Variants in ITPR1 observed in about 807,000 individuals in gnomAD.
ITPR1 encodes inositol 1,4,5-trisphosphate receptor type 1.
In ITPR1, 96 loss-of-function variants were observed where a neutral mutation model predicts 318.4. The observed-to-expected ratio is 0.30, with a 90% CI of 0.26 to 0.36. ITPR1 has a LOEUF of 0.36. Among genes scored for constraint, ITPR1 ranks in the 10% least tolerant of loss-of-function variants. The probability of loss-of-function intolerance (pLI) is 1.00; values close to 1 mark genes in which losing one functional copy is unlikely to be tolerated. For synonymous variants in ITPR1, 1,312 were observed against 1,289.9 expected, an observed-to-expected ratio of 1.02 and a Z score of -0.37; for missense variants, 2,440 against 3,460.2, an observed-to-expected ratio of 0.71 and a Z score of 7.40.
At chr3:4,626,838 A>G (rs1013945832) in intron 4 of ITPR1, among the ~76,000 whole-genome samples, 3 of 152,168 alleles carry the variant, frequency 2.0e-5, no homozygotes, top group Admixed American at 1.3e-4. Context: ...TTTATTTTTG[A>G]GACAGAATCT....
At chr3:4,766,759 G>C (rs1185670537) in intron 45 of ITPR1, 49 bp downstream of exon 45, 2 of 1,418,916 alleles carry the variant, frequency 1.4e-6, no homozygotes, top group Non-Finnish European at 1.9e-6. Flanking sequence ...CACCAGAAGA[G>C]TCCTTGTTAT....
chr3:4,576,616 C>A (rs74699895), intron 4 of ITPR1, among the ~76,000 whole-genome samples: 2 of 152,180 alleles, frequency 1.3e-5, no homozygotes, highest in Non-Finnish European at 2.9e-5. Flanking sequence ...CAGCTCCTAG[C>A]GTTGGACGGA....
intron 4 of ITPR1, among the ~76,000 whole-genome samples, chr3:4,610,111 A>G (rs1017604232): frequency 3.3e-5 from 5 of 152,140 alleles, no homozygotes; most frequent in African/African-American, 9.6e-5. Flanking sequence ...TTTCTGTGGC[A>G]TCTCATTCTT....
At chr3:4,754,278 T>C (rs974664444) in intron 44 of ITPR1, among the ~76,000 whole-genome samples, 3 of 152,110 alleles carry the variant, frequency 2.0e-5, no homozygotes, top group African/African-American at 7.2e-5. Context: ...GCCACCCCCA[T>C]GGAGGAACAG....
At chr3:4,771,215 G>A (rs193097248) in intron 46 of ITPR1, among the ~76,000 whole-genome samples, 3 of 152,290 alleles carry the variant, frequency 2.0e-5, no homozygotes, top group African/African-American at 7.2e-5. Context: ...CCTTCACAGA[G>A]CTGAGTCTAG....
At chr3:4,601,122 G>T (rs2091240295) in intron 4 of ITPR1, among the ~76,000 whole-genome samples, 4 of 150,828 alleles carry the variant, frequency 2.7e-5, no homozygotes, top group Admixed American at 1.3e-4. Context: ...ATAATTTATG[G>T]TCAATTGATT....
intron 4 of ITPR1, among the ~76,000 whole-genome samples, chr3:4,583,606 T>C (rs1559487190): frequency 6.6e-6 from 1 of 152,256 alleles, no homozygotes; most frequent in Non-Finnish European, 1.5e-5. Context: ...TTAGGAAAGA[T>C]ACAGCTTGAG....
intron 4 of ITPR1, among the ~76,000 whole-genome samples, chr3:4,559,192 C>G (rs1405341309): frequency 6.6e-6 from 1 of 151,210 alleles, no homozygotes; most frequent in African/African-American, 2.4e-5. Flanking sequence ...TTAATACATT[C>G]AAGTCAGGTT....
chr3:4,518,646 T>C (rs1283969269), intron 3 of ITPR1, among the ~76,000 whole-genome samples: 1 of 152,218 alleles, frequency 6.6e-6, no homozygotes, highest in Non-Finnish European at 1.5e-5. Flanking sequence ...TTTATATAGA[T>C]GGTGGTTACC....
At chr3:4,613,966 A>C (rs1350219591) in intron 4 of ITPR1, among the ~76,000 whole-genome samples, 1 of 152,104 alleles carries the variant, frequency 6.6e-6, no homozygotes, top group Non-Finnish European at 1.5e-5. Flanking sequence ...TACCACCTCC[A>C]CCTCTACCCC....
intron 31 of ITPR1, among the ~76,000 whole-genome samples, chr3:4,690,723 A>G (rs1171879345): frequency 1.3e-5 from 2 of 152,214 alleles, no homozygotes; most frequent in Non-Finnish European, 2.9e-5. Context: ...CCACCATAGA[A>G]TAAAGATACT....
intron 4 of ITPR1, among the ~76,000 whole-genome samples, chr3:4,581,842 A>G (rs2089375570): frequency 6.6e-6 from 1 of 152,196 alleles, no homozygotes; most frequent in East Asian, 1.9e-4. Context: ...CATCTTGCCC[A>G]CACAAACTGT....
At chr3:4,530,668 C>G (rs1248126400) in intron 4 of ITPR1, among the ~76,000 whole-genome samples, 3 of 152,060 alleles carry the variant, frequency 2.0e-5, no homozygotes, top group Admixed American at 6.5e-5. Flanking sequence ...GTAGTCCCTG[C>G]TACACAGGAG....
At chr3:4,844,829 C>A (rs567135988) in intron 61 of ITPR1, among the ~76,000 whole-genome samples, 280 of 152,306 alleles carry the variant, frequency 1.8e-3, no homozygotes, top group South Asian at 0.018. Flanking sequence ...ACAGAGAAAG[C>A]ATCTCCACAG....
At chr3:4,753,975 T>A (rs1559835630) in intron 44 of ITPR1, among the ~76,000 whole-genome samples, 1 of 150,644 alleles carries the variant, frequency 6.6e-6, no homozygotes, top group African/African-American at 2.4e-5. Flanking sequence ...CCTATGCGTA[T>A]GTTTCTACCT....
chr3:4,545,871 A>AT (rs958767339), intron 4 of ITPR1, among the ~76,000 whole-genome samples: 2 of 151,494 alleles, frequency 1.3e-5, no homozygotes, highest in Admixed American at 1.3e-4. Flanking sequence ...CTAATTTTTA[A>AT]TTTTTTGTAG....
intron 44 of ITPR1, among the ~76,000 whole-genome samples, chr3:4,738,276 GT>G (rs2043427791): frequency 6.6e-6 from 1 of 152,188 alleles, no homozygotes. Context: ...GTGCTTTACT[GT>G]ACCTATGTTA....
intron 39 of ITPR1, 83 bp from the exon 40 acceptor site, chr3:4,717,284 A>G: frequency 1.7e-6 from 2 of 1,164,660 alleles, no homozygotes; most frequent in Non-Finnish European, 2.5e-6. Context: ...GTCAGCAATA[A>G]GAGTAAAGTC....
chr3:4,772,049 T>C (rs918152359), intron 46 of ITPR1, among the ~76,000 whole-genome samples: 39 of 152,228 alleles, frequency 2.6e-4, no homozygotes, highest in African/African-American at 9.2e-4. Context: ...CCTTAAAAAC[T>C]CCTGCAAAAT....
Sources: allele counts gnomAD v4.1 joint callset (sites outside exome capture counted in the v4.1 genomes callset), GRCh38; gene constraint gnomAD v4.1.1; transcripts MANE v1.5; gene names NCBI Gene and HGNC (gene_info 2026-07-23, HGNC 2026-07-21).